UTRN: variants seen among roughly 807,000 people sequenced by gnomAD.
UTRN encodes dystrophin-related protein 1.
Under a neutral mutation model 463.9 loss-of-function variants are expected in UTRN, and 283 were observed. The ratio of observed to expected loss-of-function variants is 0.61; its 90% confidence interval spans 0.55 to 0.67. The LOEUF (loss-of-function observed/expected upper bound fraction) is 0.67. Ranked by LOEUF, UTRN falls within the 30% of genes least tolerant of loss-of-function variation. The pLI is 0.00. For synonymous variants in UTRN, 1,442 were observed against 1,431.5 expected (o/e 1.01, Z -0.17); for missense variants, 3,922 against 4,084.3 (o/e 0.96, Z 1.08).
Position 144,531,211 on chromosome 6 carries a change from T to G in UTRN, c.6057+9T>G. ...CCAGGATACATCAGCAGGTGAGTGC[T>G]TTCTGTTAGAGGAGGGGGACTGCAC... is the stretch of plus-strand genomic sequence containing the variant. On this transcript the variant is annotated intron_variant, in intron 42 of 74. Coordinates refer to ENST00000367545, the MANE Select transcript of UTRN (RefSeq NM_007124.3). The G allele has an allele frequency of 6.2e-7, 1 of 1,613,426 alleles. No homozygotes were observed. The highest frequency in any genetic ancestry group is 1.3e-5 in the African/African-American group (1 of 75,016).
rs184726867 is a variant in UTRN at position 144,336,280 on chromosome 6, C to T, written c.79+44373C>T. On this transcript the variant is annotated intron_variant, in intron 2 of 74. Transcript: ENST00000367545. ...GGAACTTCAATCCAGACTCCGACATCGCCACGGGCAAGCTGAATGACAGTA... is the reference window on the plus strand; with the variant it reads ...GGAACTTCAATCCAGACTCCGACATTGCCACGGGCAAGCTGAATGACAGTA... Among the ~76,000 whole-genome samples, 1,173 of 152,200 alleles carry T rather than the reference C, an allele frequency of 7.7e-3. 52 individuals carry two copies. In the East Asian group the frequency reaches 0.14, roughly 18 times the overall value.
At chr6:144,392,604 T>C (rs1782035274) in intron 2 of UTRN, among the ~76,000 whole-genome samples, 1 of 152,236 alleles carries the variant, frequency 6.6e-6, no homozygotes, top group African/African-American at 2.4e-5. Context: ...GATGCCTTTG[T>C]AGTGGTCCAC....
At position 144,360,032 on chromosome 6, in the gene UTRN, T is replaced by TTTCCC. The variant is rs1340009283; in HGVS notation, c.80-43034_80-43030dup. ...CTTTTATTTCTCTTTTCTTTTCTTTTTTCCCTTCCCTTCCCTTCCCTTCCC... is the reference window on the plus strand; with the variant it reads ...CTTTTATTTCTCTTTTCTTTTCTTTTTTCCCTTCCCTTCCCTTCCCTTCCCTTCCC... On this transcript the variant is annotated intron_variant, in intron 2 of 74. Transcript: ENST00000367545. Among the ~76,000 whole-genome samples the TTTCCC allele has an allele frequency of 3.9e-3, 309 of 78,786 alleles. 8 individuals carry two copies. Among genetic ancestry groups the TTTCCC allele is most frequent in the South Asian group, 0.01 (12 of 1,164 alleles). 51.7% of individuals were successfully genotyped at this position (78,786 alleles called of 152,430 possible). A position where few individuals can be genotyped will look rare whatever the true frequency, so the allele number is the denominator to read the frequency against.
intron 65 of UTRN, among the ~76,000 whole-genome samples, chr6:144,817,275 A>T (rs1366813976): frequency 6.6e-6 from 1 of 152,194 alleles, no homozygotes; most frequent in Admixed American, 6.5e-5. Context: ...ATCTAATGGG[A>T]TCTGCAAAAT....
At chr6:144,657,312 T>A (rs1779421868) in intron 51 of UTRN, among the ~76,000 whole-genome samples, 1 of 152,034 alleles carries the variant, frequency 6.6e-6, no homozygotes, top group Middle Eastern at 3.2e-3. Context: ...ATATCTTAGT[T>A]TTTGTTGCTG....
At chr6:144,573,169 G>T (rs555549457) in intron 50 of UTRN, among the ~76,000 whole-genome samples, 1 of 152,196 alleles carries the variant, frequency 6.6e-6, no homozygotes, top group East Asian at 1.9e-4. Flanking sequence ...GTCTTCCTTT[G>T]AGAAATGTCT....
At chr6:144,351,590 A>G (rs1364975626) in intron 2 of UTRN, among the ~76,000 whole-genome samples, 3 of 152,228 alleles carry the variant, frequency 2.0e-5, no homozygotes, top group African/African-American at 7.2e-5. Context: ...AAAGGTTTTC[A>G]TTGCTTGCAA....
At chr6:144,788,721 G>T (rs377490717) in intron 61 of UTRN, among the ~76,000 whole-genome samples, 1 of 151,880 alleles carries the variant, frequency 6.6e-6, no homozygotes, top group African/African-American at 2.4e-5. Flanking sequence ...TGCGCCACCC[G>T]CCTGGCTAAT....
chr6:144,509,163 A>G (rs1358114136), intron 34 of UTRN, among the ~76,000 whole-genome samples: 1 of 152,176 alleles, frequency 6.6e-6, no homozygotes, highest in East Asian at 1.9e-4. Flanking sequence ...TCTATTCGGT[A>G]ACATATATGT....
intron 51 of UTRN, among the ~76,000 whole-genome samples, chr6:144,653,096 A>G (rs1466597737): frequency 6.6e-6 from 1 of 152,192 alleles, no homozygotes; most frequent in African/African-American, 2.4e-5. Flanking sequence ...GAAATGTTTC[A>G]TTCTAGACAC....
In UTRN at chr6:144,663,706, G is replaced by A. The variant is rs188667830; in HGVS notation, c.7480-14700G>A. Among the ~76,000 whole-genome samples, 6 of 152,110 alleles carry A rather than the reference G, an allele frequency of 3.9e-5. No individual in the cohort carries two copies. The East Asian group carries it at 1.2e-3, about 29-fold the overall frequency. The stretch of plus-strand genomic sequence containing the variant: ...GCCGTTCTCTTAGTACCATTCTCTT[G>A]GTGACTCCTTGGGCAAAGATGCTTC... On this transcript the variant is annotated intron_variant, in intron 51 of 74. Coordinates refer to ENST00000367545, the MANE Select transcript of UTRN (RefSeq NM_007124.3).
chr6:144,588,003 T>A (rs1381217412), intron 51 of UTRN, among the ~76,000 whole-genome samples: 1 of 151,832 alleles, frequency 6.6e-6, no homozygotes, highest in African/African-American at 2.4e-5. Context: ...TGTAGATGGG[T>A]TTGCCTCCAT....
chr6:144,286,276 G>A lies in UTRN; in HGVS notation c.-93+455G>A, dbSNP rs1803648808. Reference sequence around the variant, plus strand: ...GTCACAGACACCCGGGCCCGGGGAAGGCGGGGCTCCGGCGGTGTCCACAGG... The same window carrying A: ...GTCACAGACACCCGGGCCCGGGGAAAGCGGGGCTCCGGCGGTGTCCACAGG... On this transcript the variant is annotated intron_variant, in intron 1 of 74. Coordinates refer to ENST00000367545, the MANE Select transcript of UTRN (RefSeq NM_007124.3). The surrounding 1 kb of genome is among the most constrained non-coding windows in gnomAD (Gnocchi z 4.4). Among the ~76,000 whole-genome samples, 1 of 152,184 alleles carries A rather than the reference G, an allele frequency of 6.6e-6. No homozygotes were observed. Among genetic ancestry groups the A allele is most frequent in the South Asian group, 2.1e-4 (1 of 4,828 alleles).
At chr6:144,311,052 T>C (rs2114558106) in intron 2 of UTRN, among the ~76,000 whole-genome samples, 1 of 152,356 alleles carries the variant, frequency 6.6e-6, no homozygotes, top group Non-Finnish European at 1.5e-5. Context: ...TGTGATTATA[T>C]TACATTTTTA....
chr6:144,406,356 C>CTTTTTTTTTTTTTTTTTTTTTTTT (rs57721924), intron 3 of UTRN, among the ~76,000 whole-genome samples: 1 of 125,582 alleles, frequency 8.0e-6, no homozygotes. Context: ...TTTTTCTTTT[C>CTTTTTTTTTTTTTTTTTTTTTTTT]TTTTTTTTTT....
chr6:144,490,058 A>C lies in UTRN; in HGVS notation c.4135-13A>C. 6.2e-7 allele frequency: 1 copy of C among 1,603,110 alleles called. No homozygotes were observed. The highest frequency in any genetic ancestry group is 8.5e-7 in the Non-Finnish European group (1 of 1,176,850). Reference sequence around the variant, plus strand: ...AAAAAGGACATCCTCTCCCCTTTCCAATCTCTTTTTAGAAAATCCAAGCAG... The same window carrying C: ...AAAAAGGACATCCTCTCCCCTTTCCCATCTCTTTTTAGAAAATCCAAGCAG... On this transcript the variant is annotated splice_polypyrimidine_tract_variant and intron_variant, in intron 30 of 74. Coordinates refer to ENST00000367545, the MANE Select transcript of UTRN (RefSeq NM_007124.3).
chr6:144,511,212 C>T, intron 35 of UTRN, 89 bp downstream of exon 35: 1 of 1,263,408 alleles, frequency 7.9e-7, no homozygotes, highest in Non-Finnish European at 1.0e-6. Context: ...AATTTCAAAT[C>T]CTGTTTACTG....
chr6:144,538,298 A>G (rs1407172343), intron 44 of UTRN, among the ~76,000 whole-genome samples: 2 of 152,166 alleles, frequency 1.3e-5, no homozygotes, highest in Non-Finnish European at 2.9e-5. Flanking sequence ...GTATTCATAA[A>G]TATTTATTTT....
At chr6:144,611,684 G>A (rs948186671) in intron 51 of UTRN, among the ~76,000 whole-genome samples, 2 of 152,014 alleles carry the variant, frequency 1.3e-5, no homozygotes, top group African/African-American at 2.4e-5. Flanking sequence ...ACTATAAAAC[G>A]CTGGTGAAGA....
Sources: gnomAD v4.1 joint callset for allele counts (sites outside exome capture counted in the v4.1 genomes callset) on GRCh38, gnomAD v4.1.1 for gene constraint, Gnocchi (gnomAD v3.1) non-coding constraint, MANE v1.5 for transcripts, NCBI Gene and HGNC (gene_info 2026-07-23, HGNC 2026-07-21) for gene names.